Variants in TBC1D22A observed in about 807,000 individuals in gnomAD.
TBC1D22A encodes putative GTPase activator.
TBC1D22A carries 38 observed loss-of-function variants against 60.2 expected under a neutral mutation model. That is an observed-to-expected ratio of 0.63 (90% CI 0.49 to 0.83). TBC1D22A has a LOEUF of 0.83. Among genes scored for constraint, TBC1D22A ranks in the 40% least tolerant of loss-of-function variants. TBC1D22A has a pLI of 0.00. For synonymous variants in TBC1D22A, 302 were observed against 281.7 expected (o/e 1.07, Z -0.72); for missense variants, 628 against 701.0 (o/e 0.90, Z 1.18).
intron 10 of TBC1D22A, among the ~76,000 whole-genome samples, chr22:47,004,892 C>T (rs1249581988): frequency 6.6e-6 from 1 of 151,810 alleles, no homozygotes; most frequent in Admixed American, 6.6e-5. Context: ...TACACACACC[C>T]CTATATATAC....
intron 8 of TBC1D22A, among the ~76,000 whole-genome samples, chr22:46,917,849 C>T (rs1042357831): frequency 2.0e-5 from 3 of 152,116 alleles, no homozygotes; most frequent in African/African-American, 7.2e-5. Context: ...ATGGGGCTGT[C>T]CCACAGGGAG....
At chr22:47,154,187 C>T (rs78529579) in intron 12 of TBC1D22A, among the ~76,000 whole-genome samples, 4,042 of 152,228 alleles carry the variant, frequency 0.027, 186 homozygotes, top group African/African-American at 0.092. Context: ...GACATGTCCC[C>T]GGAGCAGGGC....
intron 4 of TBC1D22A, among the ~76,000 whole-genome samples, chr22:46,840,545 C>T (rs1240117848): frequency 2.0e-5 from 3 of 152,026 alleles, no homozygotes; most frequent in Non-Finnish European, 4.4e-5. Flanking sequence ...CCAGCCTGGC[C>T]AACATAGTGA....
At position 47,028,443 on chromosome 22, in the gene TBC1D22A, T is replaced by G. The variant is rs1314634235; in HGVS notation, c.1202-8628T>G. Among the ~76,000 whole-genome samples, 4 of 125,870 alleles carry G rather than the reference T, an allele frequency of 3.2e-5. No homozygotes were observed. Among genetic ancestry groups the G allele is most frequent in the African/African-American group, 3.8e-5 (1 of 26,266 alleles). The allele number at this position is 125,870 out of a possible 152,430, so 82.6% of individuals were successfully genotyped here. A position where few individuals can be genotyped will look rare whatever the true frequency, so the allele number is the denominator to read the frequency against. ...CTGAGAGCGAGTGGTCGCATTCCTG[T>G]CCCTCGGTCCCTGTCCCCCACGGCC... On this transcript the variant is annotated intron_variant, in intron 10 of 12. Coordinates refer to ENST00000337137, the MANE Select transcript of TBC1D22A (RefSeq NM_014346.5). This position sits in a 1 kb window ranked among gnomAD's most constrained non-coding sequence, Gnocchi z 4.4.
intron 5 of TBC1D22A, among the ~76,000 whole-genome samples, chr22:46,884,811 A>AG (rs2068029789): frequency 6.6e-6 from 1 of 152,130 alleles, no homozygotes; most frequent in African/African-American, 2.4e-5. Context: ...AAGTTCAGAG[A>AG]GGGGCACTGA....
At chr22:47,006,049 C>G (rs12160855) in intron 10 of TBC1D22A, among the ~76,000 whole-genome samples, 11,766 of 152,264 alleles carry the variant, frequency 0.077, 1,111 homozygotes, top group African/African-American at 0.23. Context: ...TTTACACACA[C>G]ACACATGTAT....
At chr22:47,093,790 A>G (rs1385907163) in intron 11 of TBC1D22A, among the ~76,000 whole-genome samples, 1 of 152,174 alleles carries the variant, frequency 6.6e-6, no homozygotes, top group Admixed American at 6.5e-5. Flanking sequence ...TTGGTCAAAC[A>G]TTATTCTGGA....
intron 10 of TBC1D22A, among the ~76,000 whole-genome samples, chr22:47,018,793 C>T (rs571026826): frequency 1.3e-5 from 2 of 152,226 alleles, no homozygotes; most frequent in East Asian, 1.9e-4. Context: ...AAAATGGAGG[C>T]GACTGGGATC....
chr22:46,963,773 G>A (rs1384551461), intron 8 of TBC1D22A, among the ~76,000 whole-genome samples: 3 of 152,216 alleles, frequency 2.0e-5, no homozygotes, highest in Non-Finnish European at 2.9e-5. Context: ...CCTCCAAGCT[G>A]TATATTGGGG....
At chr22:46,947,269 T>C (rs2072605815) in intron 8 of TBC1D22A, among the ~76,000 whole-genome samples, 2 of 152,234 alleles carry the variant, frequency 1.3e-5, no homozygotes, top group South Asian at 2.1e-4. Context: ...CTTGGGTTCT[T>C]CTCAGTCGCT....
intron 11 of TBC1D22A, among the ~76,000 whole-genome samples, chr22:47,105,836 T>TG (rs2065615128): frequency 6.6e-6 from 1 of 151,344 alleles, no homozygotes; most frequent in Non-Finnish European, 1.5e-5. Flanking sequence ...GAGAAGTCAC[T>TG]GAAGTACAAG....
intron 6 of TBC1D22A, among the ~76,000 whole-genome samples, 191 bp downstream of exon 6, chr22:46,891,585 G>T (rs2068411000): frequency 1.3e-5 from 2 of 152,162 alleles, no homozygotes; most frequent in Admixed American, 1.3e-4. Context: ...TCCTCTGCTA[G>T]TACTATCTTG....
chr22:47,057,724 G>A (rs931583282), intron 11 of TBC1D22A, among the ~76,000 whole-genome samples: 1 of 152,214 alleles, frequency 6.6e-6, no homozygotes, highest in East Asian at 1.9e-4. Context: ...ACTCACTATC[G>A]CGAGAATAGC....
At chr22:46,796,168 G>A (rs1372125982) in intron 3 of TBC1D22A, among the ~76,000 whole-genome samples, 1 of 152,156 alleles carries the variant, frequency 6.6e-6, no homozygotes, top group African/African-American at 2.4e-5. Flanking sequence ...AGGGAGAGTG[G>A]GCAGCGGGGA....
intron 10 of TBC1D22A, among the ~76,000 whole-genome samples, chr22:47,030,209 ATGTATT>A (rs1221141135): frequency 6.6e-6 from 1 of 152,112 alleles, no homozygotes; most frequent in African/African-American, 2.4e-5. Flanking sequence ...CCAAAGCGTG[ATGTATT>A]TGTGTCTGTT....
At chr22:46,802,521 G>T (rs2084941208) in intron 4 of TBC1D22A, among the ~76,000 whole-genome samples, 1 of 152,206 alleles carries the variant, frequency 6.6e-6, no homozygotes, top group Non-Finnish European at 1.5e-5. Context: ...CTGGCCTGGT[G>T]GCTGAGTGGG....
At chr22:46,963,143 C>T (rs188732720) in intron 8 of TBC1D22A, among the ~76,000 whole-genome samples, 1 of 150,838 alleles carries the variant, frequency 6.6e-6, no homozygotes, top group Non-Finnish European at 1.5e-5. Context: ...ATGGCATGAA[C>T]TTGGGAGGTG....
chr22:47,062,962 G>A (rs2063629875), intron 11 of TBC1D22A, among the ~76,000 whole-genome samples: 1 of 152,174 alleles, frequency 6.6e-6, no homozygotes, highest in Non-Finnish European at 1.5e-5. Context: ...AAGCCTGAAG[G>A]TGAGAAACAG....
rs558771109 is a variant in TBC1D22A at position 46,840,819 on chromosome 22, A to T, written c.638-37834A>T. 2.0e-5 allele frequency among the ~76,000 whole-genome samples: 3 copies of T among 152,234 alleles called. No individual in the cohort carries two copies. The South Asian group carries it at 6.2e-4, about 32-fold the overall frequency. On this transcript the variant is annotated intron_variant, in intron 4 of 12. Transcript: ENST00000337137. ...TTTTTACACCATTGGTGGGAATGTA[A>T]ATTGATATAGCCTTTATGGAAAACG... is the stretch of plus-strand genomic sequence containing the variant.
Sources: allele counts gnomAD v4.1 joint callset (sites outside exome capture counted in the v4.1 genomes callset), GRCh38; gene constraint gnomAD v4.1.1; non-coding constraint Gnocchi (gnomAD v3.1); transcripts MANE v1.5; gene names NCBI Gene and HGNC (gene_info 2026-07-23, HGNC 2026-07-21).